The following RPS6KC1 variants were observed in gnomAD, a reference collection of about 807,000 sequenced individuals.
RPS6KC1 encodes ribosomal protein S6 kinase C1.
In RPS6KC1, 54 loss-of-function variants were observed where a neutral mutation model predicts 103.8. That is an observed-to-expected ratio of 0.52 (90% CI 0.42 to 0.65). RPS6KC1 has a LOEUF of 0.65. Ranked by LOEUF, RPS6KC1 falls within the 30% of genes least tolerant of loss-of-function variation. RPS6KC1 has a pLI of 0.00. For synonymous variants in RPS6KC1, 439 were observed against 438.7 expected (o/e 1.00, Z -0.01); for missense variants, 1,151 against 1,253.8 (o/e 0.92, Z 1.24).
the RPS6KC1 span, among the ~76,000 whole-genome samples, chr1:213,530,397 A>G: frequency 2.0e-5 from 3 of 152,230 alleles, no homozygotes; most frequent in South Asian, 2.1e-4. Flanking sequence ...GCTTTCAGCT[A>G]TAGACTTAAG....
At chr1:213,678,537 G>A in the RPS6KC1 span, among the ~76,000 whole-genome samples, 1 of 152,204 alleles carries the variant, frequency 6.6e-6, no homozygotes, top group Admixed American at 6.5e-5. Flanking sequence ...GGGCAGCTAG[G>A]CATGTGCCCC....
At position 213,268,705 on chromosome 1, in the gene RPS6KC1, AG is replaced by A. The variant is rs554125407; in HGVS notation, c.3091-3814del. On this transcript the variant is annotated intron_variant, in intron 14 of 14. Coordinates refer to ENST00000366960, the MANE Select transcript of RPS6KC1 (RefSeq NM_012424.6). ...AAATATGACAATAATAGACAAAGGA[AG>A]GGGGCTATGGTAGAGCAAAGTTTCT... is the stretch of plus-strand genomic sequence containing the variant. Among the ~76,000 whole-genome samples, 399 of 151,292 alleles carry A rather than the reference AG, an allele frequency of 2.6e-3. 3 individuals carry two copies. The highest frequency in any genetic ancestry group is 9.0e-3 in the African/African-American group (371 of 41,420).
At chr1:213,464,467 C>T in the RPS6KC1 span, among the ~76,000 whole-genome samples, 1 of 152,094 alleles carries the variant, frequency 6.6e-6, no homozygotes, top group Non-Finnish European at 1.5e-5. Context: ...TTACTTATAA[C>T]TTTCATCCTT....
In RPS6KC1 at chr1:213,261,471, A is replaced by G. The variant is rs2094794357; in HGVS notation, c.2912-87A>G. 5.8e-6 allele frequency: 7 copies of G among 1,206,864 alleles called. 1 individual carries two copies. The South Asian group carries it at 8.7e-5, about 15-fold the overall frequency. 74.8% of individuals were successfully genotyped at this position (1,206,864 alleles called of 1,614,324 possible). A position where few individuals can be genotyped will look rare whatever the true frequency, so the allele number is the denominator to read the frequency against. On this transcript the variant is annotated intron_variant, in intron 12 of 14. Coordinates refer to ENST00000366960, the MANE Select transcript of RPS6KC1 (RefSeq NM_012424.6). The stretch of plus-strand genomic sequence containing the variant: ...ATTTAGTATATGCTCTCTCAGCATT[A>G]AAAAGGTCACCTTGCTAATACATGT...
the RPS6KC1 span, among the ~76,000 whole-genome samples, chr1:213,322,969 G>A: frequency 4.1e-4 from 50 of 121,096 alleles, 1 homozygote; most frequent in Non-Finnish European, 6.4e-5. Context: ...TCACCATGTT[G>A]GTCAAGCTGG....
intron 6 of RPS6KC1, among the ~76,000 whole-genome samples, chr1:213,158,912 G>A (rs527449722): frequency 6.6e-6 from 1 of 152,174 alleles, no homozygotes; most frequent in Non-Finnish European, 1.5e-5. Flanking sequence ...GAACCTTCAG[G>A]AATGTCTATC....
At chr1:213,681,024 A>C in the RPS6KC1 span, among the ~76,000 whole-genome samples, 2 of 152,220 alleles carry the variant, frequency 1.3e-5, no homozygotes, top group Non-Finnish European at 1.5e-5. Context: ...AGACAGACAG[A>C]CCAGGATGTG....
At chr1:213,131,202 T>C (rs2085568000) in intron 6 of RPS6KC1, among the ~76,000 whole-genome samples, 2 of 152,336 alleles carry the variant, frequency 1.3e-5, no homozygotes, top group South Asian at 4.1e-4. Context: ...GAGTCTTGTT[T>C]CTTTTTTCAT....
chr1:213,519,303 GTC>G, the RPS6KC1 span, among the ~76,000 whole-genome samples: 2 of 152,120 alleles, frequency 1.3e-5, no homozygotes, highest in Non-Finnish European at 2.9e-5. Context: ...GTTGGTAAGA[GTC>G]TGTAATGTTA....
At chr1:213,280,582 G>A in the RPS6KC1 span, among the ~76,000 whole-genome samples, 5,472 of 152,234 alleles carry the variant, frequency 0.036, 133 homozygotes, top group Middle Eastern at 0.061. Context: ...GGAACTCAGT[G>A]GGGGATGGTT....
chr1:213,507,868 T>G, the RPS6KC1 span, among the ~76,000 whole-genome samples: 1 of 152,240 alleles, frequency 6.6e-6, no homozygotes, highest in East Asian at 1.9e-4. Context: ...GTTGCTACAA[T>G]GCCTGTAAAT....
intron 3 of RPS6KC1, among the ~76,000 whole-genome samples, chr1:213,097,989 A>G (rs574350375): frequency 6.6e-6 from 1 of 152,304 alleles, no homozygotes; most frequent in East Asian, 1.9e-4. Context: ...ATCAGCAATA[A>G]CGCTGCTTCA....
the RPS6KC1 span, among the ~76,000 whole-genome samples, chr1:213,567,077 A>G: frequency 6.6e-6 from 1 of 152,204 alleles, no homozygotes; most frequent in South Asian, 2.1e-4. Flanking sequence ...TATCAGGCAC[A>G]TCAAGGTCAT....
intron 6 of RPS6KC1, among the ~76,000 whole-genome samples, chr1:213,152,331 A>AC (rs1185469143): frequency 1.7e-3 from 197 of 112,642 alleles, no homozygotes; most frequent in East Asian, 0.012. Context: ...CAGGGGGCTG[A>AC]CCCCCCCCAC....
At chr1:213,253,233 G>A (rs987384734) in intron 12 of RPS6KC1, among the ~76,000 whole-genome samples, 1 of 152,112 alleles carries the variant, frequency 6.6e-6, no homozygotes, top group Non-Finnish European at 1.5e-5. Context: ...ATGGGGATGG[G>A]TAACTATATT....
At chr1:213,051,711 T>A (rs1175767831) in intron 1 of RPS6KC1, among the ~76,000 whole-genome samples, 5 of 152,096 alleles carry the variant, frequency 3.3e-5, no homozygotes, top group African/African-American at 1.2e-4. Flanking sequence ...TTCACTGTAG[T>A]AGGTCGTGGT....
the RPS6KC1 span, among the ~76,000 whole-genome samples, chr1:213,287,856 T>A: frequency 1.3e-5 from 2 of 152,246 alleles, no homozygotes; most frequent in Non-Finnish European, 2.9e-5. Context: ...TCATCTTGGC[T>A]AAGTCTAGAA....
At chr1:213,814,622 T>C in the RPS6KC1 span, among the ~76,000 whole-genome samples, 3 of 152,216 alleles carry the variant, frequency 2.0e-5, no homozygotes, top group Non-Finnish European at 4.4e-5. Flanking sequence ...GTAAAATCCA[T>C]GTCACTAACC....
the RPS6KC1 span, among the ~76,000 whole-genome samples, chr1:213,772,588 C>T: frequency 7.2e-6 from 1 of 138,708 alleles, no homozygotes; most frequent in South Asian, 2.8e-4. Context: ...TCCTTCCCAC[C>T]GCCCACCCCC....
Sources: gnomAD v4.1 joint callset for allele counts (sites outside exome capture counted in the v4.1 genomes callset) on GRCh38, gnomAD v4.1.1 for gene constraint, MANE v1.5 for transcripts, NCBI Gene and HGNC (gene_info 2026-07-23, HGNC 2026-07-21) for gene names.